AGBL4: variants seen among roughly 807,000 people sequenced by gnomAD.
The protein encoded by AGBL4 is cytosolic carboxypeptidase 6.
A neutral mutation model predicts 66.4 loss-of-function variants in AGBL4; 58 were observed. The observed-to-expected ratio is 0.87, with a 90% CI of 0.71 to 1.09. AGBL4 has a LOEUF of 1.09. Ranked by LOEUF, AGBL4 falls within the 50% of genes least tolerant of loss-of-function variation. AGBL4 has a pLI of 0.00. For synonymous variants in AGBL4, 234 were observed against 222.9 expected (o/e 1.05, Z -0.44); for missense variants, 579 against 631.0 (o/e 0.92, Z 0.88).
intron 6 of AGBL4, among the ~76,000 whole-genome samples, chr1:48,712,895 T>C (rs1418489819): frequency 6.6e-6 from 1 of 152,162 alleles, no homozygotes; most frequent in African/African-American, 2.4e-5. Flanking sequence ...ACAGCAGCTA[T>C]GAGGGAGATG....
At chr1:49,894,981 A>G (rs1015358352) in intron 1 of AGBL4, among the ~76,000 whole-genome samples, 3 of 152,158 alleles carry the variant, frequency 2.0e-5, no homozygotes, top group African/African-American at 7.2e-5. Flanking sequence ...AAACTCCCAA[A>G]GGTCACGAAT....
At chr1:49,704,777 C>T (rs959319995) in intron 2 of AGBL4, among the ~76,000 whole-genome samples, 50 of 152,198 alleles carry the variant, frequency 3.3e-4, no homozygotes, top group Middle Eastern at 3.4e-3. Flanking sequence ...TGTTCTGTTC[C>T]ATTGGTCTAT....
chr1:49,910,101 T>A (rs898693919), intron 1 of AGBL4, among the ~76,000 whole-genome samples: 1 of 152,078 alleles, frequency 6.6e-6, no homozygotes, highest in Non-Finnish European at 1.5e-5. Flanking sequence ...TAAGATGACA[T>A]AGGGAACCAG....
chr1:48,626,878 A>G (rs2148404660), intron 9 of AGBL4, among the ~76,000 whole-genome samples: 1 of 152,188 alleles, frequency 6.6e-6, no homozygotes, highest in South Asian at 2.1e-4. Context: ...TGCCCTAGGG[A>G]TGTGATTTTT....
At chr1:48,878,086 C>T (rs1026060543) in intron 5 of AGBL4, among the ~76,000 whole-genome samples, 5 of 152,020 alleles carry the variant, frequency 3.3e-5, no homozygotes, top group African/African-American at 1.2e-4. Flanking sequence ...AAAGATAAAA[C>T]ATTAAAGGAT....
chr1:49,337,580 C>G (rs1645463010), intron 3 of AGBL4, among the ~76,000 whole-genome samples: 1 of 152,140 alleles, frequency 6.6e-6, no homozygotes, highest in Non-Finnish European at 1.5e-5. Context: ...CAGTAATCCA[C>G]TGGTCATCAC....
intron 11 of AGBL4, among the ~76,000 whole-genome samples, chr1:48,559,094 A>G (rs1168826789): frequency 6.6e-6 from 1 of 152,168 alleles, no homozygotes; most frequent in Non-Finnish European, 1.5e-5. Flanking sequence ...CAGAATGCCT[A>G]ATCTTTCTGT....
At chr1:49,342,150 T>C (rs1026716153) in intron 3 of AGBL4, among the ~76,000 whole-genome samples, 9 of 152,150 alleles carry the variant, frequency 5.9e-5, no homozygotes, top group African/African-American at 1.9e-4. Context: ...TTTCGCTTTT[T>C]TTCCACTCTC....
At chr1:48,538,306 T>A (rs1482205922) in intron 12 of AGBL4, among the ~76,000 whole-genome samples, 2 of 152,154 alleles carry the variant, frequency 1.3e-5, no homozygotes, top group Non-Finnish European at 2.9e-5. Context: ...CTGGAGGACA[T>A]GAAAACATTT....
At chr1:49,319,333 A>T (rs764423784) in intron 3 of AGBL4, among the ~76,000 whole-genome samples, 14 of 152,194 alleles carry the variant, frequency 9.2e-5, no homozygotes, top group Non-Finnish European at 1.5e-4. Context: ...TTCATATAAA[A>T]ATTAAAATAG....
rs983435013 is a variant in AGBL4, at chr1:48,533,653, G to C, written c.*520C>G. ...CAGTGACCATATATTTAAGTCCACC[G>C]TTGATTTCAAAAATTCTGTCCCATT... On this transcript the variant is annotated 3_prime_UTR_variant, in exon 14 of 14. Transcript: ENST00000371839. The C allele has an allele frequency of 6.2e-6, 1 of 160,496 alleles. No individual in the cohort carries two copies. The highest frequency in any genetic ancestry group is 1.4e-5 in the Non-Finnish European group (1 of 73,832). The allele number at this position is 160,496 out of a possible 1,614,324, so 9.9% of individuals were successfully genotyped here.
At chr1:49,205,317 C>T (rs1648043434) in intron 4 of AGBL4, among the ~76,000 whole-genome samples, 1 of 152,048 alleles carries the variant, frequency 6.6e-6, no homozygotes, top group Admixed American at 6.6e-5. Context: ...CTTCATTGTT[C>T]CCTGTGCCCC....
At chr1:48,721,633 C>T (rs1000858910) in intron 6 of AGBL4, among the ~76,000 whole-genome samples, 7 of 152,172 alleles carry the variant, frequency 4.6e-5, no homozygotes, top group African/African-American at 1.7e-4. Context: ...TATTTATTAC[C>T]TTCCTCTCCC....
At chr1:49,499,012 T>C (rs1282412575) in intron 3 of AGBL4, among the ~76,000 whole-genome samples, 1 of 152,108 alleles carries the variant, frequency 6.6e-6, no homozygotes, top group Non-Finnish European at 1.5e-5. Flanking sequence ...TATTGGCCTC[T>C]AATTTTCTTC....
At chr1:48,536,372 G>C (rs1056089904) in intron 12 of AGBL4, among the ~76,000 whole-genome samples, 1 of 152,124 alleles carries the variant, frequency 6.6e-6, no homozygotes, top group African/African-American at 2.4e-5. Context: ...TAAAATGTAG[G>C]CCAAGGTCTT....
At chr1:49,256,595 T>C (rs1016000407) in intron 3 of AGBL4, among the ~76,000 whole-genome samples, 1 of 152,222 alleles carries the variant, frequency 6.6e-6, no homozygotes. Context: ...TTAAAATCTA[T>C]GTAATTCACT....
chr1:49,291,172 A>G (rs548626603), intron 3 of AGBL4, among the ~76,000 whole-genome samples: 1 of 152,346 alleles, frequency 6.6e-6, no homozygotes, highest in South Asian at 2.1e-4. Flanking sequence ...ATATTTATCA[A>G]AATAATAAAT....
intron 3 of AGBL4, among the ~76,000 whole-genome samples, chr1:49,280,970 T>C (rs1366898308): frequency 6.6e-6 from 1 of 152,208 alleles, no homozygotes; most frequent in Non-Finnish European, 1.5e-5. Context: ...AAATAGGCTA[T>C]AGTTTATTTG....
At chr1:49,869,747 CTAAAA>C (rs1409264515) in intron 1 of AGBL4, among the ~76,000 whole-genome samples, 1 of 151,860 alleles carries the variant, frequency 6.6e-6, no homozygotes, top group Admixed American at 6.6e-5. Context: ...TATCTTGGAA[CTAAAA>C]TAAAATAAAA....
Sources: allele counts gnomAD v4.1 joint callset (sites outside exome capture counted in the v4.1 genomes callset), GRCh38; gene constraint gnomAD v4.1.1; transcripts MANE v1.5; gene names NCBI Gene and HGNC (gene_info 2026-07-23, HGNC 2026-07-21).